GPC3: variants seen among roughly 807,000 people sequenced by gnomAD.
GPC3 encodes the protein glypican 3.
A neutral mutation model predicts 34.4 loss-of-function variants in GPC3; 3 were observed. That is an observed-to-expected ratio of 0.09 (90% CI 0.04 to 0.23). The LOEUF is 0.23. Among genes scored for constraint, GPC3 ranks in the 10% least tolerant of loss-of-function variants. The pLI, the probability that GPC3 is intolerant of heterozygous loss-of-function variation, is 1.00. For synonymous variants in GPC3, 177 were observed against 174.0 expected (o/e 1.02, Z -0.13); for missense variants, 351 against 445.6 (o/e 0.79, Z 1.91).
intron 2 of GPC3, among the ~76,000 whole-genome samples, chrX:133,839,657 G>A (rs2075814971): frequency 9.0e-6 from 1 of 110,569 alleles, no homozygotes; most frequent in African/African-American, 3.3e-5. Context: ...CAGGCCTGGC[G>A]TGGTGGCTTA....
intron 3 of GPC3, among the ~76,000 whole-genome samples, chrX:133,741,186 A>G (rs754178800): frequency 4.5e-5 from 5 of 109,968 alleles, no homozygotes; most frequent in Non-Finnish European, 9.5e-5. Context: ...GCAAGCCAAG[A>G]AGAAAGCCCT....
At chrX:133,607,040 C>G (rs904611742) in intron 6 of GPC3, among the ~76,000 whole-genome samples, 1 of 111,243 alleles carries the variant, frequency 9.0e-6, no homozygotes, top group African/African-American at 3.3e-5. Flanking sequence ...TATTGAGTCA[C>G]AACTATTAGC....
intron 3 of GPC3, among the ~76,000 whole-genome samples, chrX:133,701,354 C>T (rs2071166002): frequency 8.9e-6 from 1 of 112,012 alleles, no homozygotes; most frequent in African/African-American, 3.2e-5. Flanking sequence ...AGTTAAGTGA[C>T]TTGCATGAGG....
In GPC3 at chrX:133,886,620, G is replaced by A. The variant is rs143622545; in HGVS notation, c.337+66430C>T. Among the ~76,000 whole-genome samples, 779 of 111,388 alleles carry A rather than the reference G, an allele frequency of 7.0e-3. 7 individuals are homozygous for A. The highest frequency in any genetic ancestry group is 0.019 in the Middle Eastern group (4 of 214). The stretch of plus-strand genomic sequence containing the variant: ...ATCTCCCCATTCCAAGTCCCACCCC[G>A]CAGGGTCTGGTAACCAGCATTCTGC... On this transcript the variant is annotated intron_variant, in intron 2 of 7. Transcript: ENST00000370818.
intron 2 of GPC3, among the ~76,000 whole-genome samples, chrX:133,947,942 A>G (rs775391380): frequency 1.8e-5 from 2 of 111,356 alleles, no homozygotes; most frequent in Non-Finnish European, 3.8e-5. Context: ...TCTCCCATAC[A>G]TTATTTTTAA....
Position 133,578,827 on chromosome X carries a change from C to T in GPC3, c.1573+17613G>A, listed in dbSNP as rs181508772. Among the ~76,000 whole-genome samples the T allele has an allele frequency of 5.3e-3, 590 of 111,020 alleles. 3 individuals carry two copies. The highest frequency in any genetic ancestry group is 9.3e-3 in the Non-Finnish European group (491 of 52,993). ...TATGTTCAGAAGGATTAGGATGTCA[C>T]ATCTGGGCTCAGTGGAGTGGGGTGC... On this transcript the variant is annotated intron_variant, in intron 7 of 7. Transcript: ENST00000370818.
chrX:133,742,160 G>A (rs2071569440), intron 3 of GPC3, among the ~76,000 whole-genome samples: 1 of 112,247 alleles, frequency 8.9e-6, no homozygotes, highest in Non-Finnish European at 1.9e-5. Context: ...TCTAAATAAA[G>A]TACAGGGTTT....
At chrX:133,911,117 CAT>C (rs1456116676) in intron 2 of GPC3, among the ~76,000 whole-genome samples, 2 of 112,611 alleles carry the variant, frequency 1.8e-5, no homozygotes, top group Admixed American at 9.4e-5. Context: ...TTCCTTAAAA[CAT>C]AAGCATTTCT....
intron 3 of GPC3, among the ~76,000 whole-genome samples, chrX:133,732,912 G>T (rs991551430): frequency 1.4e-4 from 15 of 110,527 alleles, no homozygotes; most frequent in Non-Finnish European, 2.8e-4. Flanking sequence ...TGTCACCCAG[G>T]CTGCAGTGCA....
At chrX:133,786,237 C>G (rs543937494) in intron 2 of GPC3, among the ~76,000 whole-genome samples, 1 of 110,890 alleles carries the variant, frequency 9.0e-6, no homozygotes, top group Admixed American at 9.5e-5. Flanking sequence ...ACTAAAAATA[C>G]GAAAAAAATT....
At chrX:133,605,482 AG>A (rs1250416600) in intron 6 of GPC3, among the ~76,000 whole-genome samples, 1 of 112,438 alleles carries the variant, frequency 8.9e-6, no homozygotes, top group Non-Finnish European at 1.9e-5. Flanking sequence ...GACTAACAGA[AG>A]GGATAAAAGT....
intron 2 of GPC3, among the ~76,000 whole-genome samples, chrX:133,893,541 T>A (rs1311005882): frequency 8.9e-6 from 1 of 111,854 alleles, no homozygotes; most frequent in Non-Finnish European, 1.9e-5. Flanking sequence ...ACATTCAAAG[T>A]GTTTCATTTA....
chrX:133,951,047 AGTGTGTGTGTGTGTGTGTGTGTGT>A (rs373690687), intron 2 of GPC3, among the ~76,000 whole-genome samples: 1 of 76,705 alleles, frequency 1.3e-5, no homozygotes, highest in Admixed American at 1.6e-4. Flanking sequence ...AATTCAAGAA[AGTGTGTGTGTGTGTGTGTGTGTGT>A]GTGTGTGTGT....
At chrX:133,702,077 C>T (rs906644666) in intron 3 of GPC3, among the ~76,000 whole-genome samples, 2 of 112,127 alleles carry the variant, frequency 1.8e-5, no homozygotes, top group Non-Finnish European at 3.8e-5. Flanking sequence ...TAACTTCAAA[C>T]GAAGCGTGTG....
At chrX:133,620,074 G>T (rs1280719354) in intron 6 of GPC3, among the ~76,000 whole-genome samples, 2 of 108,591 alleles carry the variant, frequency 1.8e-5, no homozygotes, top group Non-Finnish European at 3.8e-5. Flanking sequence ...TGAAAAATTA[G>T]TTGGGTGAGG....
intron 6 of GPC3, among the ~76,000 whole-genome samples, chrX:133,640,114 A>T (rs1163952021): frequency 8.9e-6 from 1 of 111,795 alleles, no homozygotes; most frequent in Non-Finnish European, 1.9e-5. Context: ...CTAACTAAAC[A>T]TGTTTGCCAA....
chrX:133,839,809 T>A (rs1263095165), intron 2 of GPC3, among the ~76,000 whole-genome samples: 1 of 106,324 alleles, frequency 9.4e-6, no homozygotes, highest in Non-Finnish European at 1.9e-5. Context: ...GCGCCTGTAG[T>A]CCCAGCTACT....
intron 2 of GPC3, among the ~76,000 whole-genome samples, chrX:133,936,209 T>TATAATA (rs58972441): frequency 1.2e-3 from 124 of 99,448 alleles, no homozygotes; most frequent in Middle Eastern, 5.0e-3. Flanking sequence ...AAACTTAAAG[T>TATAATA]ATAATAATAA....
intron 2 of GPC3, among the ~76,000 whole-genome samples, chrX:133,935,248 C>T (rs1040915564): frequency 3.6e-5 from 4 of 111,298 alleles, no homozygotes; most frequent in African/African-American, 1.3e-4. Context: ...CTGAATGGCT[C>T]GGCAGAATAA....
Sources: gnomAD v4.1 joint callset for allele counts (sites outside exome capture counted in the v4.1 genomes callset) on GRCh38, gnomAD v4.1.1 for gene constraint, MANE v1.5 for transcripts, NCBI Gene and HGNC (gene_info 2026-07-23, HGNC 2026-07-21) for gene names.